NRL: variants seen among roughly 807,000 people sequenced by gnomAD.
NRL encodes neural retina leucine zipper.
A neutral mutation model predicts 12.5 loss-of-function variants in NRL; 16 were observed. That is an observed-to-expected ratio of 1.28 (90% CI 0.87 to 1.95). The LOEUF (loss-of-function observed/expected upper bound fraction) is 1.95, where lower values mean the gene tolerates loss of function less well. Among genes scored for constraint, NRL ranks in the 30% most tolerant of loss-of-function variants. The pLI, the probability that NRL is intolerant of heterozygous loss-of-function variation, is 0.00. For synonymous variants in NRL, 142 were observed against 150.9 expected (o/e 0.94, Z 0.43); for missense variants, 314 against 325.8 (o/e 0.96, Z 0.28).
At chr14:24,099,469 C>A in intron 1 of NRL, 1 of 1,251,126 alleles carries the variant, frequency 8.0e-7, no homozygotes, top group Non-Finnish European at 1.1e-6. Flanking sequence ...ATTGGTCCTC[C>A]CTATTAGACC....
At chr14:24,098,510 C>T (rs1305289084) in intron 1 of NRL, 1 of 1,614,166 alleles carries the variant, frequency 6.2e-7, no homozygotes, top group Non-Finnish European at 8.5e-7. Flanking sequence ...CAGCATGGGT[C>T]CTGTGGGCTC....
chr14:24,079,643 G>A lies in NRL; in HGVS notation c.*1593C>T, dbSNP rs778972248. On this transcript the variant is annotated 3_prime_UTR_variant, in exon 3 of 3. Transcript: ENST00000561028. Reference sequence around the variant, plus strand: ...TGGGAAGAGAAGAGACAGCTGGGGAGGGGGTGGAGAGAGGGGGTAGAAAGG... The same window carrying A: ...TGGGAAGAGAAGAGACAGCTGGGGAAGGGGTGGAGAGAGGGGGTAGAAAGG... Among the ~76,000 whole-genome samples, 6 of 152,068 alleles carry A rather than the reference G, an allele frequency of 3.9e-5. No individual in the cohort carries two copies. Among genetic ancestry groups the A allele is most frequent in the Non-Finnish European group, 8.8e-5 (6 of 67,974 alleles).
intron 1 of NRL, among the ~76,000 whole-genome samples, chr14:24,092,648 G>C (rs1010238195): frequency 3.9e-5 from 6 of 152,214 alleles, no homozygotes; most frequent in African/African-American, 1.4e-4. Context: ...GTGTAGGCTA[G>C]AGCCTGAGGG....
chr14:24,098,952 T>A, intron 1 of NRL: 2 of 942,012 alleles, frequency 2.1e-6, no homozygotes, highest in Non-Finnish European at 3.3e-6. Flanking sequence ...CTGCTACTGC[T>A]CCCAAGTGTC....
In NRL at chr14:24,081,868, C is replaced by T. The variant is rs1287868908; in HGVS notation, c.382-300G>A. The T allele has an allele frequency of 7.4e-7, 1 of 1,359,296 alleles. No homozygotes were observed. The highest frequency in any genetic ancestry group is 9.5e-7 in the Non-Finnish European group (1 of 1,052,368). The allele number at this position is 1,359,296 out of a possible 1,614,324, so 84.2% of individuals were successfully genotyped here. On this transcript the variant is annotated intron_variant, in intron 2 of 2. Transcript: ENST00000561028. This position sits in a 1 kb window ranked among gnomAD's most constrained non-coding sequence, Gnocchi z 4.4. ...CCGGGCTCGTCTCTGGGATCCCCGG[C>T]ATCCAGCTCCAGGCCCGGGTGTGTC...
Position 24,094,662 on chromosome 14 carries a change from C to T in NRL, c.-27-11787G>A, listed in dbSNP as rs1035413227. 3 of 1,506,550 alleles carry T rather than the reference C, an allele frequency of 2.0e-6. No individual in the cohort carries two copies. The highest frequency in any genetic ancestry group is 2.7e-6 in the Non-Finnish European group (3 of 1,129,568). 93.3% of individuals were successfully genotyped at this position (1,506,550 alleles called of 1,614,324 possible). ...TGCACCTCCCCTTCTCTGCCTCGCTCGCCTCTGACCGCGCGATCTCTATCT... is the reference window on the plus strand; with the variant it reads ...TGCACCTCCCCTTCTCTGCCTCGCTTGCCTCTGACCGCGCGATCTCTATCT... On this transcript the variant is annotated intron_variant, in intron 1 of 2. Transcript: ENST00000561028. The surrounding 1 kb of genome is among the most constrained non-coding windows in gnomAD (Gnocchi z 4.1).
chr14:24,098,199 C>G (rs1052565540), intron 1 of NRL: 1 of 1,590,498 alleles, frequency 6.3e-7, no homozygotes, highest in Non-Finnish European at 8.6e-7. Flanking sequence ...CCCCTCTCCC[C>G]CAGCTGGCTG....
rs1258684568 is a variant in NRL, at chr14:24,099,461, T to C, written c.-28+15261A>G. ...AATCACTTATATAGTTAATAAACAT[T>C]GGTCCTCCCTATTAGACCCTAGCTG... is the stretch of plus-strand genomic sequence containing the variant. On this transcript the variant is annotated intron_variant, in intron 1 of 2. Transcript: ENST00000561028. 3 of 1,188,614 alleles carry C rather than the reference T, an allele frequency of 2.5e-6. No individual in the cohort carries two copies. In the South Asian group the frequency reaches 4.4e-5, roughly 17 times the overall value. The allele number at this position is 1,188,614 out of a possible 1,614,324, so 73.6% of individuals were successfully genotyped here. A position where few individuals can be genotyped will look rare whatever the true frequency, so the allele number is the denominator to read the frequency against.
chr14:24,087,856 C>T (rs905869366), intron 1 of NRL, among the ~76,000 whole-genome samples: 2 of 152,092 alleles, frequency 1.3e-5, no homozygotes, highest in African/African-American at 4.8e-5. Context: ...ATGGGTGGAT[C>T]GCTTGAGCCC....
At chr14:24,083,626 A>G (rs1156655762) in intron 1 of NRL, among the ~76,000 whole-genome samples, 1 of 152,140 alleles carries the variant, frequency 6.6e-6, no homozygotes, top group African/African-American at 2.4e-5. Context: ...GATCACCTTC[A>G]CCCTTCTGAC....
Position 24,094,011 on chromosome 14 carries a change from C to CAAAGTTACA in NRL, c.-27-11137_-27-11136insTGTAACTTT, listed in dbSNP as rs1477336436. ...CTAGCTTGTTTGCCACCTAGTGTCT[C>CAAAGTTACA]TCCCGGGAGCAAGAGTCCTCAAAGT... On this transcript the variant is annotated intron_variant, in intron 1 of 2. Transcript: ENST00000561028. The surrounding 1 kb of genome is among the most constrained non-coding windows in gnomAD (Gnocchi z 4.1). 1.9e-6 allele frequency: 1 copy of CAAAGTTACA among 519,478 alleles called. No individual in the cohort carries two copies. The highest frequency in any genetic ancestry group is 3.4e-6 in the Non-Finnish European group (1 of 297,142). 32.2% of individuals were successfully genotyped at this position (519,478 alleles called of 1,614,324 possible).
intron 1 of NRL, among the ~76,000 whole-genome samples, chr14:24,096,016 T>C (rs2036859920): frequency 6.6e-6 from 1 of 152,144 alleles, no homozygotes; most frequent in East Asian, 1.9e-4. Flanking sequence ...AACCTGGCAC[T>C]GGAAAGACTG....
Position 24,079,658 on chromosome 14 carries a change from G to C in NRL, c.*1578C>G, listed in dbSNP as rs559023906. 6.6e-6 allele frequency among the ~76,000 whole-genome samples: 1 copy of C among 151,956 alleles called. No individual in the cohort carries two copies. The highest frequency in any genetic ancestry group is 2.4e-5 in the African/African-American group (1 of 41,374). Reference sequence around the variant, plus strand: ...CAGCTGGGGAGGGGGTGGAGAGAGGGGGTAGAAAGGAAGAGGGACATATGG... The same window carrying C: ...CAGCTGGGGAGGGGGTGGAGAGAGGCGGTAGAAAGGAAGAGGGACATATGG... On this transcript the variant is annotated 3_prime_UTR_variant, in exon 3 of 3. Transcript: ENST00000561028.
intron 1 of NRL, chr14:24,102,717 C>A: frequency 6.3e-7 from 1 of 1,593,838 alleles, no homozygotes; most frequent in South Asian, 1.1e-5. Context: ...GTCGACATGA[C>A]CTTGGAAATA....
At chr14:24,108,438 A>T (rs1433776878) in intron 1 of NRL, among the ~76,000 whole-genome samples, 1 of 152,024 alleles carries the variant, frequency 6.6e-6, no homozygotes, top group Non-Finnish European at 1.5e-5. Flanking sequence ...CCTGGGCTCA[A>T]ATGATCCTCT....
In NRL at chr14:24,082,534, G is replaced by T. The variant is rs199922429; in HGVS notation, c.315C>A (p.Val105=). Residue 105 remains valine (V), a synonymous_variant, in exon 2 of 3, where the codon GTC becomes GTA. Transcript: ENST00000561028. ...AMELLQGQGP[V]PVDGPHGYYP... ...AGTAGCCATGGGGCCCATCAACAGG[G>T]ACTGGGCCCTGACCCTGCAGCAGCT... is the stretch of plus-strand genomic sequence containing the variant. 2 of 1,613,442 alleles carry T rather than the reference G, an allele frequency of 1.2e-6. No homozygotes were observed. The highest frequency in any genetic ancestry group is 3.3e-5 in the Admixed American group (2 of 60,032).
rs547310860 is a variant in NRL, at chr14:24,103,527, G to A, written c.-28+11195C>T. The A allele has an allele frequency of 1.5e-5, 24 of 1,554,984 alleles. No individual in the cohort carries two copies. The highest frequency in any genetic ancestry group is 1.4e-4 in the African/African-American group (10 of 73,408). ...CCCCCCAGGGAAGATCATCATGCACGACCCATTTGCCATGCGGCCCTTTTT... is the reference window on the plus strand; with the variant it reads ...CCCCCCAGGGAAGATCATCATGCACAACCCATTTGCCATGCGGCCCTTTTT... On this transcript the variant is annotated intron_variant, in intron 1 of 2. Coordinates refer to ENST00000561028, the MANE Select transcript of NRL (RefSeq NM_001354768.3).
At chr14:24,092,456 G>A (rs918854711) in intron 1 of NRL, among the ~76,000 whole-genome samples, 4 of 152,226 alleles carry the variant, frequency 2.6e-5, no homozygotes, top group African/African-American at 9.6e-5. Context: ...GAAACCATGA[G>A]AGCAGGTGCA....
At chr14:24,084,107 C>G (rs1166071779) in intron 1 of NRL, among the ~76,000 whole-genome samples, 4 of 152,160 alleles carry the variant, frequency 2.6e-5, no homozygotes, top group Non-Finnish European at 4.4e-5. Flanking sequence ...AGCCTTCTTT[C>G]CAACCACATG....
Sources: allele counts gnomAD v4.1 joint callset (sites outside exome capture counted in the v4.1 genomes callset), GRCh38; gene constraint gnomAD v4.1.1; non-coding constraint Gnocchi (gnomAD v3.1); transcripts MANE v1.5; gene names NCBI Gene and HGNC (gene_info 2026-07-23, HGNC 2026-07-21).